SCN10A: variants seen among roughly 807,000 people sequenced by gnomAD.
The protein encoded by SCN10A is sodium channel protein type 10 subunit alpha.
A neutral mutation model predicts 170.7 loss-of-function variants in SCN10A; 162 were observed. The observed-to-expected ratio is 0.95, with a 90% CI of 0.84 to 1.08. The LOEUF is 1.08. Ranked by LOEUF, SCN10A falls within the 50% of genes least tolerant of loss-of-function variation. The pLI, the probability that SCN10A is intolerant of heterozygous loss-of-function variation, is 0.00. For missense variants in SCN10A, 2,527 were observed against 2,436.9 expected (o/e 1.04, Z -0.78); for synonymous variants, 985 against 904.6 (o/e 1.09, Z -1.59).
At chr3:38,736,962 CGTTTTTT>C (rs2063567901) in intron 15 of SCN10A, among the ~76,000 whole-genome samples, 3 of 69,254 alleles carry the variant, frequency 4.3e-5, no homozygotes, top group Admixed American at 1.5e-4. Context: ...CAGAAATGTT[CGTTTTTT>C]TTTTTTTTTT....
chr3:38,714,345 G>C (rs577975798), intron 21 of SCN10A, among the ~76,000 whole-genome samples: 1 of 152,328 alleles, frequency 6.6e-6, no homozygotes, highest in Non-Finnish European at 1.5e-5. Context: ...GTACGTAGGT[G>C]GCCAAGCTTC....
chr3:38,741,514 T>G (rs537878584), intron 14 of SCN10A, among the ~76,000 whole-genome samples: 25 of 152,326 alleles, frequency 1.6e-4, no homozygotes, highest in African/African-American at 6.0e-4. Context: ...GTAGGGTTGT[T>G]GTGAAAATAA....
intron 27 of SCN10A, among the ~76,000 whole-genome samples, chr3:38,698,974 C>A (rs894193212): frequency 3.3e-5 from 5 of 152,126 alleles, no homozygotes; most frequent in Non-Finnish European, 7.3e-5. Context: ...GGGTCATGCC[C>A]TTTCCTCCAC....
chr3:38,706,186 T>C (rs941224727), intron 26 of SCN10A, among the ~76,000 whole-genome samples: 2 of 152,248 alleles, frequency 1.3e-5, no homozygotes, highest in African/African-American at 2.4e-5. Context: ...CACTTTTTTC[T>C]CTTGTAAATG....
rs367548480 is a variant in SCN10A at position 38,750,123 on chromosome 3, C to G, written c.1817G>C (p.Arg606Pro). The change falls in exon 13 of 28, where the codon CGG becomes CCG. Residue 606 changes from arginine (R) to proline (P), a missense_variant. Coordinates refer to ENST00000449082, the MANE Select transcript of SCN10A (RefSeq NM_006514.4). Reference sequence around the variant, plus strand: ...GACAACACTCATTGCCCTTTGGGCCCGGAAAGGTTCATCTAAGTATTCTGC... The same window carrying G: ...GACAACACTCATTGCCCTTTGGGCCGGGAAAGGTTCATCTAAGTATTCTGC... ...LSAEYLDEPF[R>P]AQRAMSVVSI... The G allele has an allele frequency of 3.2e-5, 51 of 1,612,982 alleles. No individual in the cohort carries two copies. Among genetic ancestry groups the G allele is most frequent in the Non-Finnish European group, 8.5e-6 (10 of 1,179,466 alleles).
chr3:38,724,951 C>G (rs2063436372), intron 18 of SCN10A, among the ~76,000 whole-genome samples: 1 of 152,168 alleles, frequency 6.6e-6, no homozygotes, highest in Admixed American at 6.5e-5. Context: ...CCTAGAACCA[C>G]CCTGGAGTGA....
chr3:38,809,745 C>T (rs547815799), intron 1 of SCN10A, among the ~76,000 whole-genome samples: 24 of 152,176 alleles, frequency 1.6e-4, no homozygotes, highest in Admixed American at 1.0e-3. Context: ...GACAAGAAGC[C>T]GTGTTCCTTA....
At chr3:38,733,798 G>A (rs553018502) in intron 15 of SCN10A, among the ~76,000 whole-genome samples, 14 of 152,030 alleles carry the variant, frequency 9.2e-5, no homozygotes, top group African/African-American at 2.2e-4. Flanking sequence ...TCAGCTCACC[G>A]CAACCTCCGC....
intron 4 of SCN10A, among the ~76,000 whole-genome samples, chr3:38,780,608 A>G (rs1290472191): frequency 6.6e-6 from 1 of 151,900 alleles, no homozygotes; most frequent in Non-Finnish European, 1.5e-5. Flanking sequence ...TCTTAAATAA[A>G]TGTGACCATG....
intron 1 of SCN10A, among the ~76,000 whole-genome samples, chr3:38,813,094 T>C (rs2064450999): frequency 1.3e-5 from 2 of 152,188 alleles, no homozygotes; most frequent in South Asian, 4.1e-4. Context: ...TTCCCCTTTT[T>C]CTGAAGCATT....
In SCN10A at chr3:38,712,241, A is replaced by T. The variant is rs11711062; in HGVS notation, c.4009T>A (p.Ser1337Thr). ...NNKSDCKIQN[S>T]TGSFFWVNVK... Reference sequence around the variant, plus strand: ...TTGACCCAGAAGAAGCTGCCAGTGGAGTTTTGAATCTTGCAGTCAGACTTG... The same window carrying T: ...TTGACCCAGAAGAAGCTGCCAGTGGTGTTTTGAATCTTGCAGTCAGACTTG... The change falls in exon 23 of 28, where the codon TCC becomes ACC. Residue 1337 changes from serine (S) to threonine (T), a missense_variant. Transcript: ENST00000449082. 5.4e-3 allele frequency: 8,683 copies of T among 1,614,206 alleles called. 46 individuals are homozygous for T. Among genetic ancestry groups the T allele is most frequent in the Middle Eastern group, 0.023 (141 of 6,062 alleles).
At chr3:38,747,240 A>G (rs1391742551) in intron 13 of SCN10A, among the ~76,000 whole-genome samples, 1 of 152,030 alleles carries the variant, frequency 6.6e-6, no homozygotes, top group African/African-American at 2.4e-5. Flanking sequence ...ATATTTGCCT[A>G]TTACTTATTT....
Position 38,729,023 on chromosome 3 carries a change from C to T in SCN10A, c.2281-122G>A, listed in dbSNP as rs540629441. 176 of 1,264,988 alleles carry T rather than the reference C, an allele frequency of 1.4e-4. 1 individual carries two copies. Among genetic ancestry groups the T allele is most frequent in the African/African-American group, 1.3e-3 (87 of 66,800 alleles). 78.4% of individuals were successfully genotyped at this position (1,264,988 alleles called of 1,614,324 possible). A position where few individuals can be genotyped will look rare whatever the true frequency, so the allele number is the denominator to read the frequency against. On this transcript the variant is annotated intron_variant, in intron 15 of 27. Coordinates refer to ENST00000449082, the MANE Select transcript of SCN10A (RefSeq NM_006514.4). ...GGCCTCTCATCCCATTAAACCAGGG[C>T]GTTTTCTGGACACTGCTTTTGGAGA...
At chr3:38,768,390 C>A (rs560103717) in intron 5 of SCN10A, among the ~76,000 whole-genome samples, 2 of 152,060 alleles carry the variant, frequency 1.3e-5, no homozygotes, top group African/African-American at 4.8e-5. Flanking sequence ...GGTTTTATTT[C>A]AAGATTTAGA....
chr3:38,779,689 C>G (rs914814682), intron 4 of SCN10A, among the ~76,000 whole-genome samples: 11 of 151,898 alleles, frequency 7.2e-5, no homozygotes, highest in Admixed American at 5.3e-4. Flanking sequence ...ACTGCACTCT[C>G]TAGGTTCTGA....
chr3:38,717,917 C>CT (rs1385773510), intron 21 of SCN10A, among the ~76,000 whole-genome samples: 2 of 152,250 alleles, frequency 1.3e-5, no homozygotes, highest in East Asian at 3.8e-4. Context: ...GAAGAGATGA[C>CT]TGAGGAATCA....
intron 22 of SCN10A, among the ~76,000 whole-genome samples, chr3:38,712,662 C>A (rs2063288297): frequency 6.6e-6 from 1 of 152,218 alleles, no homozygotes; most frequent in African/African-American, 2.4e-5. Context: ...TAACCTCATT[C>A]AGGGTGGGTT....
chr3:38,754,004 C>G (rs7430451), intron 11 of SCN10A, among the ~76,000 whole-genome samples: 61,783 of 152,000 alleles, frequency 0.41, 13,460 homozygotes, highest in East Asian at 0.79. Context: ...CTATTTACCA[C>G]ATGAATGTAC....
Position 38,742,528 on chromosome 3 carries a change from T to C in SCN10A, c.1869A>G (p.Glu623=). The change falls in exon 14 of 28, where the codon GAA becomes GAG. Residue 623 remains glutamate (E), a splice_region_variant and synonymous_variant. Coordinates refer to ENST00000449082, the MANE Select transcript of SCN10A (RefSeq NM_006514.4). ...GGCACTTCTGTTCAGACTCCTCGAG[T>C]TCTGCATTATAGTGTGGTCAATGAC... ...VVSIITSVLE[E]LEESEQKCPP... 6.2e-7 allele frequency: 1 copy of C among 1,613,264 alleles called. No homozygotes were observed. The highest frequency in any genetic ancestry group is 8.5e-7 in the Non-Finnish European group (1 of 1,179,274).
Sources: allele counts gnomAD v4.1 joint callset (sites outside exome capture counted in the v4.1 genomes callset), GRCh38; gene constraint gnomAD v4.1.1; transcripts MANE v1.5; gene names NCBI Gene and HGNC (gene_info 2026-07-23, HGNC 2026-07-21).